DCC: variants seen among roughly 807,000 people sequenced by gnomAD.
The protein encoded by DCC is netrin receptor DCC.
DCC carries 58 observed loss-of-function variants against 172.5 expected under a neutral mutation model. The ratio of observed to expected loss-of-function variants is 0.34; its 90% confidence interval spans 0.27 to 0.42. DCC has a LOEUF of 0.42. Among genes scored for constraint, DCC ranks in the 10% least tolerant of loss-of-function variants. The probability of loss-of-function intolerance (pLI) is 1.00; values close to 1 mark genes in which losing one functional copy is unlikely to be tolerated. For missense variants in DCC, 1,740 were observed against 1,791.0 expected, an observed-to-expected ratio of 0.97 and a Z score of 0.51; for synonymous variants, 709 against 644.5, an observed-to-expected ratio of 1.10 and a Z score of -1.52.
chr18:53,007,823 G>T (rs1432045880), intron 5 of DCC, among the ~76,000 whole-genome samples: 2 of 151,986 alleles, frequency 1.3e-5, no homozygotes, highest in African/African-American at 4.8e-5. Flanking sequence ...GCAAATGATG[G>T]GTGATAGGGC....
chr18:53,492,929 G>A (rs1260916549), intron 26 of DCC, among the ~76,000 whole-genome samples: 2 of 152,110 alleles, frequency 1.3e-5, no homozygotes, highest in Non-Finnish European at 2.9e-5. Flanking sequence ...TCATTTTCAT[G>A]GTATTGATTC....
intron 1 of DCC, among the ~76,000 whole-genome samples, chr18:52,509,244 A>G (rs1261435991): frequency 6.6e-6 from 1 of 152,216 alleles, no homozygotes; most frequent in Non-Finnish European, 1.5e-5. Context: ...ATTTTAGCTC[A>G]TTGGTAAATG....
chr18:52,666,817 T>C (rs1369224136), intron 1 of DCC, among the ~76,000 whole-genome samples: 2 of 152,240 alleles, frequency 1.3e-5, no homozygotes, highest in Admixed American at 6.5e-5. Context: ...ATTTTTAGAA[T>C]TACCTCTGCT....
At chr18:53,140,358 A>C (rs2043812223) in intron 7 of DCC, among the ~76,000 whole-genome samples, 1 of 152,176 alleles carries the variant, frequency 6.6e-6, no homozygotes, top group Admixed American at 6.5e-5. Flanking sequence ...TTTCGCAGAA[A>C]TTATCTTGCC....
intron 7 of DCC, among the ~76,000 whole-genome samples, chr18:53,086,563 C>A (rs1461840529): frequency 1.9e-5 from 1 of 51,786 alleles, no homozygotes; most frequent in Admixed American, 1.5e-4. Flanking sequence ...CTTCCTTCTT[C>A]TTCTTCTTCT....
chr18:53,110,601 C>T (rs901349557), intron 7 of DCC, among the ~76,000 whole-genome samples: 3 of 151,420 alleles, frequency 2.0e-5, no homozygotes, highest in Admixed American at 6.6e-5. Flanking sequence ...CATGAACAGA[C>T]ACTTCTCAAA....
intron 12 of DCC, among the ~76,000 whole-genome samples, chr18:53,290,188 A>G (rs941441694): frequency 1.3e-5 from 2 of 152,220 alleles, no homozygotes; most frequent in African/African-American, 4.8e-5. Flanking sequence ...TGAAGATCGA[A>G]GAGAGAGAAC....
intron 1 of DCC, among the ~76,000 whole-genome samples, chr18:52,541,899 G>GTATATATATATATAAGTA (rs1390082523): frequency 7.4e-6 from 1 of 136,038 alleles, no homozygotes; most frequent in Non-Finnish European, 1.5e-5. Context: ...ATATATATGT[G>GTATATATATATATAAGTA]TATATATATA....
chr18:53,071,410 A>G (rs2042649385), intron 7 of DCC, among the ~76,000 whole-genome samples: 1 of 152,216 alleles, frequency 6.6e-6, no homozygotes, highest in African/African-American at 2.4e-5. Context: ...AAGAAGATCA[A>G]TGGTGTTTTT....
At chr18:52,971,407 A>G (rs932934334) in intron 5 of DCC, among the ~76,000 whole-genome samples, 1 of 152,126 alleles carries the variant, frequency 6.6e-6, no homozygotes, top group East Asian at 1.9e-4. Flanking sequence ...AATTGGCATC[A>G]GAGTGGTATG....
chr18:53,006,124 A>T (rs190148173), intron 5 of DCC, among the ~76,000 whole-genome samples: 1 of 152,162 alleles, frequency 6.6e-6, no homozygotes, highest in Non-Finnish European at 1.5e-5. Context: ...TTTCATGCTC[A>T]TTTTCTTTAT....
At chr18:52,751,218 T>TC (rs1356740857) in intron 1 of DCC, among the ~76,000 whole-genome samples, 1 of 152,222 alleles carries the variant, frequency 6.6e-6, no homozygotes, top group East Asian at 1.9e-4. Flanking sequence ...GCCAATGACC[T>TC]CCTGAAACCT....
At chr18:53,012,640 T>C (rs570133940) in intron 5 of DCC, among the ~76,000 whole-genome samples, 1 of 152,194 alleles carries the variant, frequency 6.6e-6, no homozygotes, top group South Asian at 2.1e-4. Context: ...AATCATGTGA[T>C]ACAGTTAAGA....
intron 1 of DCC, among the ~76,000 whole-genome samples, chr18:52,637,669 G>A (rs1049439850): frequency 5.3e-5 from 8 of 152,174 alleles, no homozygotes; most frequent in African/African-American, 1.4e-4. Flanking sequence ...CTGGGATTAC[G>A]TGAAACAACC....
At chr18:53,445,999 T>C (rs1255079939) in intron 22 of DCC, among the ~76,000 whole-genome samples, 2 of 149,064 alleles carry the variant, frequency 1.3e-5, no homozygotes, top group Non-Finnish European at 3.0e-5. Flanking sequence ...TGGTCGTTCA[T>C]GCCTGTAATC....
At chr18:52,965,367 C>T (rs1336550953) in intron 5 of DCC, among the ~76,000 whole-genome samples, 1 of 151,758 alleles carries the variant, frequency 6.6e-6, no homozygotes, top group Non-Finnish European at 1.5e-5. Context: ...AGGAAAACTA[C>T]CACAAAAGGG....
intron 2 of DCC, among the ~76,000 whole-genome samples, chr18:52,827,301 C>A (rs1046866417): frequency 1.3e-5 from 2 of 152,178 alleles, no homozygotes; most frequent in African/African-American, 4.8e-5. Flanking sequence ...AGTTAGAGAG[C>A]CTTTAATAGC....
intron 1 of DCC, among the ~76,000 whole-genome samples, chr18:52,716,907 A>G (rs1256599138): frequency 6.6e-6 from 1 of 152,188 alleles, no homozygotes; most frequent in Non-Finnish European, 1.5e-5. Flanking sequence ...GGCATTAAAA[A>G]CAGGGAAGAG....
In DCC at chr18:53,206,273, AAC is replaced by A. The variant is rs561446461; in HGVS notation, c.1722+913_1722+914del. Among the ~76,000 whole-genome samples, 283 of 135,280 alleles carry A rather than the reference AAC, an allele frequency of 2.1e-3. 1 individual carries two copies. Among genetic ancestry groups the A allele is most frequent in the African/African-American group, 7.0e-3 (263 of 37,454 alleles). 88.7% of individuals were successfully genotyped at this position (135,280 alleles called of 152,430 possible). ...CATATATACCACATATATGTATTAT[AAC>A]ACATATATACCACATATATGTATTG... On this transcript the variant is annotated intron_variant, in intron 10 of 28. Transcript: ENST00000442544.
Sources: gnomAD v4.1 joint callset for allele counts (sites outside exome capture counted in the v4.1 genomes callset) on GRCh38, gnomAD v4.1.1 for gene constraint, MANE v1.5 for transcripts, NCBI Gene and HGNC (gene_info 2026-07-23, HGNC 2026-07-21) for gene names.